The following RBPJ variants were observed in gnomAD, a reference collection of about 807,000 sequenced individuals.
The protein encoded by RBPJ is recombination signal binding protein for immunoglobulin kappa J region, also known as recombining binding protein suppressor of hairless.
RBPJ carries 9 observed loss-of-function variants against 67.8 expected under a neutral mutation model. The observed-to-expected ratio is 0.13, with a 90% CI of 0.08 to 0.23. The LOEUF (loss-of-function observed/expected upper bound fraction) is 0.23, where lower values mean the gene tolerates loss of function less well. Among genes scored for constraint, RBPJ ranks in the 10% least tolerant of loss-of-function variants. The probability of loss-of-function intolerance (pLI) is 1.00; values close to 1 mark genes in which losing one functional copy is unlikely to be tolerated. For missense variants in RBPJ, 305 were observed against 595.6 expected (o/e 0.51, Z 5.08); for synonymous variants, 198 against 203.3 (o/e 0.97, Z 0.22).
chr4:26,248,506 A>AT (rs1423856405), intron 1 of RBPJ, among the ~76,000 whole-genome samples: 1 of 152,170 alleles, frequency 6.6e-6, no homozygotes, highest in African/African-American at 2.4e-5. Context: ...AATTGTGGTG[A>AT]TATTTGTTTA....
intron 7 of RBPJ, among the ~76,000 whole-genome samples, chr4:26,428,189 G>A (rs149729094): frequency 1.3e-5 from 2 of 152,168 alleles, no homozygotes; most frequent in East Asian, 1.9e-4. Context: ...GATATAAGAC[G>A]TTTGCACTGA....
chr4:26,288,340 G>A (rs1038379846), intron 1 of RBPJ, among the ~76,000 whole-genome samples: 1 of 152,180 alleles, frequency 6.6e-6, no homozygotes, highest in Admixed American at 6.5e-5. Flanking sequence ...CCAAGGTGGC[G>A]CTCTCATGGC....
rs897799184 is a variant in RBPJ at position 26,292,207 on chromosome 4, C to G, written c.-166-70239C>G. ...TAACTGAAAGTTTGTACATTTTGACCAACATCTTTCCATTTTCCCTACTCC... is the reference window on the plus strand; with the variant it reads ...TAACTGAAAGTTTGTACATTTTGACGAACATCTTTCCATTTTCCCTACTCC... On this transcript the variant is annotated intron_variant, in intron 1 of 4. Transcript: ENST00000512351. 2.7e-4 allele frequency among the ~76,000 whole-genome samples: 40 copies of G among 150,186 alleles called. 2 individuals carry two copies. Among genetic ancestry groups the G allele is most frequent in the African/African-American group, 9.6e-4 (39 of 40,614 alleles).
chr4:26,292,930 T>G (rs771498403), intron 1 of RBPJ, among the ~76,000 whole-genome samples: 4 of 150,800 alleles, frequency 2.7e-5, no homozygotes, highest in African/African-American at 4.9e-5. Context: ...AACATGGGCA[T>G]GCAGATATCA....
chr4:26,320,744 C>T (rs1018104313), upstream of RBPJ: 4 of 1,551,978 alleles, frequency 2.6e-6, no homozygotes, highest in East Asian at 4.9e-5. Context: ...CCCGGATAAC[C>T]GGAGCGCTCC....
At chr4:26,158,555 A>C (rs1207180190), upstream of RBPJ, among the ~76,000 whole-genome samples, 1 of 152,190 alleles carries the variant, frequency 6.6e-6, no homozygotes, top group African/African-American at 2.4e-5. Context: ...TTGTGCACAG[A>C]GCACCATGCT....
chr4:26,199,840 G>A (rs901173146), intron 1 of RBPJ, among the ~76,000 whole-genome samples: 7 of 152,182 alleles, frequency 4.6e-5, no homozygotes, highest in African/African-American at 7.2e-5. Context: ...GAATTTTATG[G>A]TATGTGAATT....
At chr4:26,201,900 A>G (rs575234618) in intron 1 of RBPJ, among the ~76,000 whole-genome samples, 2 of 152,280 alleles carry the variant, frequency 1.3e-5, no homozygotes, top group South Asian at 2.1e-4. Context: ...TCCATCCATC[A>G]TTTCAATGAT....
chr4:26,393,807 CAG>C (rs906006692), intron 2 of RBPJ, among the ~76,000 whole-genome samples: 2 of 151,148 alleles, frequency 1.3e-5, no homozygotes, highest in African/African-American at 4.9e-5. Flanking sequence ...CATTGGGGTG[CAG>C]AGAGTTTAAA....
At chr4:26,386,473 G>C in intron 2 of RBPJ, 82 bp downstream of exon 2, 1 of 916,748 alleles carries the variant, frequency 1.1e-6, no homozygotes, top group East Asian at 2.7e-5. Context: ...ATATTAATAG[G>C]TACCCTTAAA....
chr4:26,403,376 C>T (rs1733054594), intron 2 of RBPJ, among the ~76,000 whole-genome samples: 1 of 151,998 alleles, frequency 6.6e-6, no homozygotes, highest in African/African-American at 2.4e-5. Context: ...AATAATTTTC[C>T]AAGAATTTTT....
At chr4:26,139,101 G>A in the RBPJ span, among the ~76,000 whole-genome samples, 1 of 152,146 alleles carries the variant, frequency 6.6e-6, no homozygotes, top group African/African-American at 2.4e-5. Context: ...CCAGAAGTTA[G>A]GGAGACAGCC....
At chr4:26,210,401 A>G (rs1391828281) in intron 1 of RBPJ, among the ~76,000 whole-genome samples, 1 of 152,152 alleles carries the variant, frequency 6.6e-6, no homozygotes, top group Non-Finnish European at 1.5e-5. Flanking sequence ...CTCCTTTACA[A>G]CTTGTCTAAT....
At position 26,225,349 on chromosome 4, in the gene RBPJ, G is replaced by A. The variant is rs527993113; in HGVS notation, c.-167+61735G>A. Among the ~76,000 whole-genome samples the A allele has an allele frequency of 3.3e-5, 5 of 152,180 alleles. No individual in the cohort carries two copies. In the South Asian group the frequency reaches 1.0e-3, roughly 31 times the overall value. On this transcript the variant is annotated intron_variant, in intron 1 of 4. Coordinates refer to the RBPJ transcript ENST00000512351. ...AATTGCTTATAGTTAAGTGAAATAA[G>A]CTAGCCCGAAAAGGCTACATGCTGT...
At chr4:26,209,641 TCCTCCTTCCCTCTCTCCCTC>T (rs1420585553) in intron 1 of RBPJ, among the ~76,000 whole-genome samples, 7 of 118,960 alleles carry the variant, frequency 5.9e-5, no homozygotes, top group East Asian at 5.2e-4. Context: ...CTCCCTCCCT[TCCTCCTTCCCTCTCTCCCTC>T]CCTTCCTCCT....
At chr4:26,382,176 A>G (rs1730396983) in intron 1 of RBPJ, among the ~76,000 whole-genome samples, 1 of 152,158 alleles carries the variant, frequency 6.6e-6, no homozygotes, top group African/African-American at 2.4e-5. Context: ...CCTTATTTTT[A>G]AAATAGAGTG....
the RBPJ span, among the ~76,000 whole-genome samples, chr4:26,129,031 G>A: frequency 6.6e-6 from 1 of 152,164 alleles, no homozygotes. Flanking sequence ...GTCTTTATCA[G>A]CAGATGAAAG....
chr4:26,319,791 G>A, upstream of RBPJ: 2 of 1,337,832 alleles, frequency 1.5e-6, no homozygotes, highest in East Asian at 4.6e-5. Context: ...GCGAATTCCA[G>A]TTCTCCGGGT....
intron 1 of RBPJ, among the ~76,000 whole-genome samples, chr4:26,228,080 C>T (rs1252495622): frequency 6.6e-6 from 1 of 152,232 alleles, no homozygotes; most frequent in Non-Finnish European, 1.5e-5. Flanking sequence ...CTGCGCCCCA[C>T]CCATCCCTTA....
Sources: gnomAD v4.1 joint callset for allele counts (sites outside exome capture counted in the v4.1 genomes callset) on GRCh38, gnomAD v4.1.1 for gene constraint, MANE v1.5 for transcripts, NCBI Gene and HGNC (gene_info 2026-07-23, HGNC 2026-07-21) for gene names.